Variants in TRAK1 observed in about 807,000 individuals in gnomAD.
TRAK1 encodes trafficking kinesin protein 1.
In TRAK1, 33 loss-of-function variants were observed where a neutral mutation model predicts 92.1. The ratio of observed to expected loss-of-function variants is 0.36; its 90% CI spans 0.27 to 0.48. The LOEUF (loss-of-function observed/expected upper bound fraction) is 0.48, where lower values mean the gene tolerates loss of function less well. TRAK1 is among the 20% of genes least tolerant of loss of function. The pLI, the probability that TRAK1 is intolerant of heterozygous loss-of-function variation, is 0.99. For synonymous variants in TRAK1, 521 were observed against 517.3 expected (o/e 1.01, Z -0.10); for missense variants, 1,123 against 1,257.9 (o/e 0.89, Z 1.62).
At chr3:42,187,153 A>G (rs1705003786) in intron 4 of TRAK1, among the ~76,000 whole-genome samples, 1 of 152,170 alleles carries the variant, frequency 6.6e-6, no homozygotes, top group Non-Finnish European at 1.5e-5. Flanking sequence ...CCTGTGTGTG[A>G]AATTCCTATC....
At chr3:42,129,935 A>G (rs957653508) in intron 2 of TRAK1, among the ~76,000 whole-genome samples, 1 of 152,194 alleles carries the variant, frequency 6.6e-6, no homozygotes, top group African/African-American at 2.4e-5. Context: ...AAACCCCATC[A>G]AAACCTTAGT....
rs747039605 is a variant in TRAK1 at position 42,184,762 on chromosome 3, C to A, written c.441C>A (p.Asn147Lys). 1.2e-6 allele frequency: 2 copies of A among 1,614,018 alleles called. No individual in the cohort carries two copies. Residue 147 changes from asparagine to lysine, a missense_variant, in exon 4 of 16, where the codon AAC (asparagine) becomes AAA (lysine). Physicochemically the swap from Asn to Lys is moderately conservative, Grantham distance 94. Transcript: ENST00000327628. Reference sequence around the variant, plus strand: ...AGAACAAGACCCTAACCGAGAGGAACGAGCTGCTGGAGGAGCAGGTGGAAC... The same window carrying A: ...AGAACAAGACCCTAACCGAGAGGAAAGAGCTGCTGGAGGAGCAGGTGGAAC... The part of the protein sequence containing the change: ...LKKNKTLTER[N>K]ELLEEQVEHI...
intron 14 of TRAK1, among the ~76,000 whole-genome samples, chr3:42,213,132 C>T (rs1709281232): frequency 6.7e-6 from 1 of 149,332 alleles, no homozygotes; most frequent in African/African-American, 2.5e-5. Flanking sequence ...AATCTCGGCT[C>T]ACTGCAACTT....
intron 2 of TRAK1, among the ~76,000 whole-genome samples, chr3:42,163,995 G>C (rs1363053057): frequency 6.6e-6 from 1 of 152,204 alleles, no homozygotes; most frequent in African/African-American, 2.4e-5. Flanking sequence ...CTCCTGACAT[G>C]AAAGAAGCAA....
chr3:42,150,417 G>C (rs1576635835), intron 2 of TRAK1, among the ~76,000 whole-genome samples: 1 of 152,192 alleles, frequency 6.6e-6, no homozygotes, highest in Middle Eastern at 3.4e-3. Flanking sequence ...CAGTTAATCT[G>C]TCTTTAATTT....
intron 2 of TRAK1, among the ~76,000 whole-genome samples, chr3:42,143,735 C>T (rs1396327806): frequency 6.6e-6 from 1 of 151,998 alleles, no homozygotes; most frequent in African/African-American, 2.4e-5. Flanking sequence ...GCTGCTTTTT[C>T]GGCTGCAGTA....
At chr3:42,200,636 T>C (rs1248195831) in intron 11 of TRAK1, among the ~76,000 whole-genome samples, 182 bp from the exon 12 acceptor site, 1 of 152,098 alleles carries the variant, frequency 6.6e-6, no homozygotes, top group Non-Finnish European at 1.5e-5. Context: ...TCTCTCAAAT[T>C]TCGCATTGTG....
chr3:42,049,330 T>C (rs1702891212), intron 1 of TRAK1, among the ~76,000 whole-genome samples: 1 of 151,976 alleles, frequency 6.6e-6, no homozygotes, highest in South Asian at 2.1e-4. Flanking sequence ...GTCATTCATT[T>C]TTTTTTTCTC....
intron 2 of TRAK1, among the ~76,000 whole-genome samples, chr3:42,130,172 A>G (rs1024258335): frequency 5.3e-5 from 8 of 152,100 alleles, no homozygotes; most frequent in Non-Finnish European, 1.0e-4. Flanking sequence ...AGTGTGTGCT[A>G]TAGACTTTTG....
In TRAK1 at chr3:42,199,625, T is replaced by TA. The variant is rs985187473; in HGVS notation, c.1190+379dup. On this transcript the variant is annotated intron_variant, in intron 11 of 15. Coordinates refer to ENST00000327628, the MANE Select transcript of TRAK1 (RefSeq NM_001042646.3). Reference sequence around the variant, plus strand: ...CGCATGCCACCATTTCCAGCTAATTTAAAAAAATCTTTTGTAGACATAGGG... The same window carrying TA: ...CGCATGCCACCATTTCCAGCTAATTTAAAAAAAATCTTTTGTAGACATAGGG... Among the ~76,000 whole-genome samples, 7 of 152,226 alleles carry TA rather than the reference T, an allele frequency of 4.6e-5. No individual in the cohort carries two copies. In the South Asian group the frequency reaches 6.2e-4, roughly 14 times the overall value.
Position 42,202,846 on chromosome 3 carries a change from C to T in TRAK1, c.1744+94C>T. The T allele has an allele frequency of 6.5e-7, 1 of 1,545,086 alleles. No homozygotes were observed. Among genetic ancestry groups the T allele is most frequent in the South Asian group, 1.2e-5 (1 of 84,806 alleles). On this transcript the variant is annotated intron_variant, in intron 13 of 15. Transcript: ENST00000327628. This position sits in a 1 kb window ranked among gnomAD's most constrained non-coding sequence, Gnocchi z 6.1. ...CGGAAGGCGGGGCACCTCTGTCACG[C>T]CTACTCCTTTTTCTTCCGCGACAGC... is the stretch of plus-strand genomic sequence containing the variant.
intron 2 of TRAK1, among the ~76,000 whole-genome samples, chr3:42,161,371 ACTTTTTT>A (rs907807845): frequency 3.9e-5 from 6 of 152,244 alleles, no homozygotes; most frequent in African/African-American, 1.2e-4. Flanking sequence ...TCTTGGGATA[ACTTTTTT>A]CTTTTTTCTT....
chr3:42,204,244 T>C, intron 13 of TRAK1: 1 of 985,770 alleles, frequency 1.0e-6, no homozygotes, highest in Non-Finnish European at 1.2e-6. Flanking sequence ...CATTGGAATT[T>C]ATCATCTCTG....
At chr3:42,209,329 C>T (rs186616537) in intron 13 of TRAK1, among the ~76,000 whole-genome samples, 10 of 152,212 alleles carry the variant, frequency 6.6e-5, no homozygotes, top group African/African-American at 1.9e-4. Flanking sequence ...TTATGTCTTC[C>T]GTGTTCCCAG....
intron 2 of TRAK1, among the ~76,000 whole-genome samples, chr3:42,152,840 CAGAA>C (rs1307926269): frequency 1.3e-5 from 2 of 152,126 alleles, no homozygotes; most frequent in Non-Finnish European, 2.9e-5. Context: ...GGTAGAATGG[CAGAA>C]AGAGCGCTGG....
chr3:42,183,568 A>AAAAAAAAG (rs1553751625), intron 3 of TRAK1, among the ~76,000 whole-genome samples: 2 of 145,218 alleles, frequency 1.4e-5, no homozygotes, highest in Admixed American at 7.0e-5. Flanking sequence ...AAAAAAAAAA[A>AAAAAAAAG]AAAGAAAGAA....
chr3:42,179,215 G>A (rs1482357042), intron 3 of TRAK1, among the ~76,000 whole-genome samples: 3 of 152,198 alleles, frequency 2.0e-5, no homozygotes, highest in Non-Finnish European at 4.4e-5. Flanking sequence ...TAAGATTCAT[G>A]CCTGAGTTAC....
Position 42,029,512 on chromosome 3 carries a change from G to T in TRAK1, c.-519+15395G>T, listed in dbSNP as rs1702039355. Among the ~76,000 whole-genome samples, 3 of 151,768 alleles carry T rather than the reference G, an allele frequency of 2.0e-5. No homozygotes were observed. The South Asian group carries it at 6.3e-4, about 32-fold the overall frequency. On this transcript the variant is annotated intron_variant, in intron 1 of 16. Coordinates refer to the TRAK1 transcript ENST00000487159. ...CCTCCTTGTCTTCCCTAAGTGCTGGGATTACAGGTATGAGTCAGTGTGCCC... is the reference window on the plus strand; with the variant it reads ...CCTCCTTGTCTTCCCTAAGTGCTGGTATTACAGGTATGAGTCAGTGTGCCC...
rs1698162864 is a variant in TRAK1, at chr3:42,137,983, A to G, written c.286+12369A>G. 3.3e-5 allele frequency among the ~76,000 whole-genome samples: 5 copies of G among 150,924 alleles called. No individual in the cohort carries two copies. In the Admixed American group the frequency reaches 3.3e-4, roughly 10 times the overall value. On this transcript the variant is annotated intron_variant, in intron 2 of 15. Transcript: ENST00000327628. ...CTCTAGTTAATGGTATCCCATGATG[A>G]AGTTTTTTAAAATTGTTTTTTGTTT... is the stretch of plus-strand genomic sequence containing the variant.
Sources: allele counts gnomAD v4.1 joint callset (sites outside exome capture counted in the v4.1 genomes callset), GRCh38; gene constraint gnomAD v4.1.1; non-coding constraint Gnocchi (gnomAD v3.1); transcripts MANE v1.5; gene names NCBI Gene and HGNC (gene_info 2026-07-23, HGNC 2026-07-21).